Variants in FBXW2 observed in about 807,000 individuals in gnomAD.
FBXW2 encodes the protein F-box and WD repeat domain containing 2, also known as F-box/WD repeat-containing protein 2.
A neutral mutation model predicts 46.0 loss-of-function variants in FBXW2; 12 were observed. The ratio of observed to expected loss-of-function variants is 0.26; its 90% CI spans 0.17 to 0.42. FBXW2 has a LOEUF of 0.42. Among genes scored for constraint, FBXW2 ranks in the 10% least tolerant of loss-of-function variants. The pLI is 1.00. For synonymous variants in FBXW2, 203 were observed against 209.6 expected (o/e 0.97, Z 0.27); for missense variants, 360 against 537.0 (o/e 0.67, Z 3.26).
At position 120,759,737 on chromosome 9, in the gene FBXW2, T is replaced by C. The variant is rs1321233780; in HGVS notation, c.*4822A>G. ...TTTACTTGGGCACATTTATGAAGAG[T>C]AGAAGTAGCTGAATTCTTTAGGCTG... On this transcript the variant is annotated 3_prime_UTR_variant, in exon 8 of 8. Transcript: ENST00000608872. The C allele has an allele frequency of 6.6e-6, 1 of 152,104 alleles. No homozygotes were observed. Among genetic ancestry groups the C allele is most frequent in the Admixed American group, 6.6e-5 (1 of 15,262 alleles). The allele number at this position is 152,104 out of a possible 1,614,324, so 9.4% of individuals were successfully genotyped here.
chr9:120,764,348 C>A lies in FBXW2; in HGVS notation c.*211G>T. The A allele has an allele frequency of 1.8e-6, 1 of 564,048 alleles. No individual in the cohort carries two copies. The highest frequency in any genetic ancestry group is 1.9e-5 in the African/African-American group (1 of 53,736). 34.9% of individuals were successfully genotyped at this position (564,048 alleles called of 1,614,324 possible). A position where few individuals can be genotyped will look rare whatever the true frequency, so the allele number is the denominator to read the frequency against. The stretch of plus-strand genomic sequence containing the variant: ...AAGTACAAATGAAGTCAATGGTGTA[C>A]CCCATTAGCATGCTGCGTTGTATGT... On this transcript the variant is annotated 3_prime_UTR_variant, in exon 8 of 8. Coordinates refer to ENST00000608872, the MANE Select transcript of FBXW2 (RefSeq NM_012164.4).
At chr9:120,771,229 C>T (rs963163166) in intron 7 of FBXW2, 119 bp downstream of exon 7, 2 of 805,604 alleles carry the variant, frequency 2.5e-6, no homozygotes, top group Non-Finnish European at 3.9e-6. Context: ...ACAAGTGATA[C>T]AGTATACATT....
chr9:120,764,512 C>T lies in FBXW2; in HGVS notation c.*47G>A. 1 of 1,581,160 alleles carries T rather than the reference C, an allele frequency of 6.3e-7. No individual in the cohort carries two copies. ...CTGCCGCAGAGGTTGCACCCAAAAC[C>T]CGCAGCCCCGGCACCCAAAGTCAGT... On this transcript the variant is annotated 3_prime_UTR_variant, in exon 8 of 8. Coordinates refer to ENST00000608872, the MANE Select transcript of FBXW2 (RefSeq NM_012164.4).
chr9:120,776,975 G>A (rs2044510414), intron 4 of FBXW2, among the ~76,000 whole-genome samples: 1 of 152,108 alleles, frequency 6.6e-6, no homozygotes, highest in African/African-American at 2.4e-5. Context: ...CTCTGCCCAG[G>A]GGTATCAGGG....
intron 3 of FBXW2, among the ~76,000 whole-genome samples, chr9:120,786,585 A>G (rs965255110): frequency 6.6e-6 from 1 of 152,204 alleles, no homozygotes; most frequent in Non-Finnish European, 1.5e-5. Flanking sequence ...ATGGCTAAAT[A>G]ATGACTATTG....
chr9:120,768,107 A>G (rs1453993583), intron 7 of FBXW2, among the ~76,000 whole-genome samples: 1 of 152,172 alleles, frequency 6.6e-6, no homozygotes, highest in Non-Finnish European at 1.5e-5. Flanking sequence ...TCTCAAATGT[A>G]CCTGAGGCTC....
At chr9:120,790,732 T>C (rs774945035) in intron 2 of FBXW2, among the ~76,000 whole-genome samples, 1 of 152,206 alleles carries the variant, frequency 6.6e-6, no homozygotes, top group African/African-American at 2.4e-5. Flanking sequence ...TTCACAAATA[T>C]CTAAGAGACA....
chr9:120,770,601 C>T (rs1286984983), intron 7 of FBXW2, among the ~76,000 whole-genome samples: 1 of 152,192 alleles, frequency 6.6e-6, no homozygotes, highest in Non-Finnish European at 1.5e-5. Context: ...GTCCTCATCA[C>T]AAGCATTTCA....
rs1390640640 is a variant in FBXW2 at position 120,758,931 on chromosome 9, CA to C, written c.*5627del. On this transcript the variant is annotated 3_prime_UTR_variant, in exon 8 of 8. Coordinates refer to ENST00000608872, the MANE Select transcript of FBXW2 (RefSeq NM_012164.4). ...TTTACCCACCCCATCCCTTCATTTG[CA>C]ACTATTCATGAAATTCACCAAAATT... is the stretch of plus-strand genomic sequence containing the variant. 6.6e-6 allele frequency: 1 copy of C among 152,154 alleles called. No individual in the cohort carries two copies. The highest frequency in any genetic ancestry group is 2.4e-5 in the African/African-American group (1 of 41,426). The allele number at this position is 152,154 out of a possible 1,614,324, so 9.4% of individuals were successfully genotyped here. A position where few individuals can be genotyped will look rare whatever the true frequency, so the allele number is the denominator to read the frequency against.
chr9:120,788,340 A>T, intron 2 of FBXW2, 62 bp from the exon 3 acceptor site: 1 of 1,456,082 alleles, frequency 6.9e-7, no homozygotes. Context: ...CAAGACTGCT[A>T]ACAAATGAAG....
chr9:120,773,765 T>C (rs2044430767), intron 5 of FBXW2, among the ~76,000 whole-genome samples: 1 of 152,194 alleles, frequency 6.6e-6, no homozygotes. Context: ...CACAGGAACA[T>C]TTAGCAGATG....
chr9:120,778,353 G>T lies in FBXW2; in HGVS notation c.683C>A (p.Ala228Glu). 1 of 1,008,492 alleles carries T rather than the reference G, an allele frequency of 9.9e-7. No homozygotes were observed. Among genetic ancestry groups the T allele is most frequent in the Non-Finnish European group, 1.5e-6 (1 of 686,944 alleles). The allele number at this position is 1,008,492 out of a possible 1,614,324, so 62.5% of individuals were successfully genotyped here. The change falls in exon 4 of 8, where the codon GCG becomes GAG. Residue 228 changes from alanine to glutamate, a missense_variant and splice_region_variant. Coordinates refer to ENST00000608872, the MANE Select transcript of FBXW2 (RefSeq NM_012164.4). ...RTQHFRGHTG[A>E]VFSVDYNDEL... ...ACCCTTGAAAAAGGGCAACCCACCC[G>T]CCCCCGTGTGCCCCCGAAAGTGCTG...
chr9:120,766,932 G>A (rs1282174116), intron 7 of FBXW2, among the ~76,000 whole-genome samples: 1 of 152,216 alleles, frequency 6.6e-6, no homozygotes, highest in Non-Finnish European at 1.5e-5. Context: ...AGAGAGATAA[G>A]CAAGATAGTC....
intron 3 of FBXW2, among the ~76,000 whole-genome samples, chr9:120,784,019 C>T (rs145523893): frequency 2.6e-4 from 39 of 152,168 alleles, no homozygotes; most frequent in African/African-American, 8.9e-4. Flanking sequence ...TCACAAATAC[C>T]TCTCTTCACA....
intron 7 of FBXW2, among the ~76,000 whole-genome samples, chr9:120,767,972 G>C (rs963846443): frequency 3.3e-5 from 5 of 152,120 alleles, no homozygotes; most frequent in African/African-American, 7.2e-5. Flanking sequence ...TAGTCCCTTT[G>C]AATCAGTTAA....
At position 120,771,423 on chromosome 9, in the gene FBXW2, A is replaced by G. The variant is rs1355326963; in HGVS notation, c.1001T>C (p.Phe334Ser). 3 of 1,614,134 alleles carry G rather than the reference A, an allele frequency of 1.9e-6. No homozygotes were observed. The highest frequency in any genetic ancestry group is 1.7e-6 in the Non-Finnish European group (2 of 1,180,040). ...RSICLQPRLH[F>S]DGKYIVCSSA... ...ACTACAGACAATGTATTTGCCATCA[A>G]AATGAAGTCTTGGCTGCAGGCAGAT... Residue 334 changes from phenylalanine (F) to serine (S), a missense_variant, in exon 7 of 8, where the codon TTT becomes TCT. Coordinates refer to ENST00000608872, the MANE Select transcript of FBXW2 (RefSeq NM_012164.4).
At chr9:120,776,275 C>T (rs2044494889) in intron 4 of FBXW2, 49 bp from the exon 5 acceptor site, 3 of 1,591,576 alleles carry the variant, frequency 1.9e-6, no homozygotes, top group Non-Finnish European at 2.6e-6. Flanking sequence ...GTCAGTGGGT[C>T]TTTTATAATA....
At chr9:120,792,541 T>A (rs1365946388) in intron 2 of FBXW2, 1 of 182,966 alleles carries the variant, frequency 5.5e-6, no homozygotes, top group Non-Finnish European at 1.2e-5. Flanking sequence ...ATGTTAAGTA[T>A]AATATACTAT....
At chr9:120,764,990 T>C in intron 7 of FBXW2, 143 bp from the exon 8 acceptor site, 3 of 693,500 alleles carry the variant, frequency 4.3e-6, no homozygotes. Context: ...AAGTAAAATA[T>C]AAGGAGAAAA....
Sources: gnomAD v4.1 joint callset for allele counts (sites outside exome capture counted in the v4.1 genomes callset) on GRCh38, gnomAD v4.1.1 for gene constraint, MANE v1.5 for transcripts, NCBI Gene and HGNC (gene_info 2026-07-23, HGNC 2026-07-21) for gene names.